Variants in SNX29 observed in about 807,000 individuals in gnomAD.
The protein encoded by SNX29 is sorting nexin-29.
SNX29 carries 78 observed loss-of-function variants against 102.1 expected under a neutral mutation model. The ratio of observed to expected loss-of-function variants is 0.76; its 90% CI spans 0.64 to 0.92. SNX29 has a LOEUF of 0.92. SNX29 is among the 40% of genes least tolerant of loss of function. SNX29 has a pLI of 0.00. For synonymous variants in SNX29, 580 were observed against 414.5 expected, an observed-to-expected ratio of 1.40 and a Z score of -4.85; for missense variants, 1,280 against 1,061.7, an observed-to-expected ratio of 1.21 and a Z score of -2.86.
chr16:12,065,822 C>G (rs1036033341), intron 9 of SNX29, among the ~76,000 whole-genome samples: 15 of 152,308 alleles, frequency 9.8e-5, no homozygotes, highest in African/African-American at 3.4e-4. Flanking sequence ...AAAGTGGGTA[C>G]AGGCTCAGCT....
intron 15 of SNX29, among the ~76,000 whole-genome samples, chr16:12,296,516 G>A (rs533315472): frequency 5.3e-5 from 8 of 152,280 alleles, no homozygotes; most frequent in Admixed American, 1.3e-4. Context: ...AAAATCTTTC[G>A]GTGTTGTGGG....
At chr16:12,408,170 A>C (rs2084249299) in intron 18 of SNX29, among the ~76,000 whole-genome samples, 1 of 149,916 alleles carries the variant, frequency 6.7e-6, no homozygotes, top group South Asian at 2.1e-4. Context: ...AAAAACAAAC[A>C]AACAAACAAA....
At chr16:12,497,851 T>C (rs1249863212) in intron 19 of SNX29, among the ~76,000 whole-genome samples, 1 of 152,016 alleles carries the variant, frequency 6.6e-6, no homozygotes, top group African/African-American at 2.4e-5. Context: ...CTAGCTTGAG[T>C]CTCCTGCCTG....
At chr16:12,197,672 T>G (rs1181277568) in intron 13 of SNX29, among the ~76,000 whole-genome samples, 1 of 152,224 alleles carries the variant, frequency 6.6e-6, no homozygotes, top group Admixed American at 6.5e-5. Context: ...TGTCAAACAT[T>G]TGTGATTCAT....
At chr16:12,539,630 A>G (rs528019436) in intron 20 of SNX29, among the ~76,000 whole-genome samples, 1 of 152,240 alleles carries the variant, frequency 6.6e-6, no homozygotes, top group African/African-American at 2.4e-5. Flanking sequence ...ATCCTATGCT[A>G]AATGTAAGAA....
intron 15 of SNX29, among the ~76,000 whole-genome samples, chr16:12,282,581 C>A (rs984122526): frequency 1.5e-4 from 23 of 152,162 alleles, no homozygotes; most frequent in African/African-American, 4.8e-4. Flanking sequence ...TTGTGTAATG[C>A]GTAAAGAATG....
intron 10 of SNX29, among the ~76,000 whole-genome samples, chr16:12,075,952 G>T (rs1319546740): frequency 6.6e-6 from 1 of 152,248 alleles, no homozygotes; most frequent in Non-Finnish European, 1.5e-5. Context: ...GACTCCATGG[G>T]TGTAGGACCC....
intron 1 of SNX29, among the ~76,000 whole-genome samples, chr16:11,990,616 T>C (rs977299219): frequency 1.3e-5 from 2 of 152,172 alleles, no homozygotes; most frequent in African/African-American, 2.4e-5. Flanking sequence ...AAAGTCATCA[T>C]TGGGCTGGTA....
At chr16:12,484,457 G>C (rs752440427) in intron 19 of SNX29, among the ~76,000 whole-genome samples, 1 of 152,140 alleles carries the variant, frequency 6.6e-6, no homozygotes, top group Non-Finnish European at 1.5e-5. Context: ...ATCTGATTGT[G>C]TCAGCTGTAG....
At position 12,133,281 on chromosome 16, in the gene SNX29, GTTTTTT is replaced by G. The variant is rs57733463; in HGVS notation, c.1595+3545_1595+3550del. 4.9e-3 allele frequency among the ~76,000 whole-genome samples: 329 copies of G among 66,884 alleles called. 7 individuals are homozygous for G. The highest frequency in any genetic ancestry group is 0.019 in the African/African-American group (307 of 16,526). 43.9% of individuals were successfully genotyped at this position (66,884 alleles called of 152,430 possible). A position where few individuals can be genotyped will look rare whatever the true frequency, so the allele number is the denominator to read the frequency against. ...CTCTGTTTCTGTTTCCTTAGTGTGG[GTTTTTT>G]TTTTTTTTTTTTTTTTTTTTTAAGA... On this transcript the variant is annotated intron_variant, in intron 13 of 20. Coordinates refer to ENST00000566228, the MANE Select transcript of SNX29 (RefSeq NM_032167.5).
At chr16:12,568,445 G>A (rs2079105997) in intron 20 of SNX29, 61 bp from the exon 21 acceptor site, 2 of 1,594,770 alleles carry the variant, frequency 1.3e-6, no homozygotes, top group South Asian at 1.1e-5. Flanking sequence ...TCCCCTTCCT[G>A]GCCTGTGGTC....
intron 3 of SNX29, among the ~76,000 whole-genome samples, chr16:12,003,244 A>G (rs1042757939): frequency 4.6e-5 from 7 of 152,156 alleles, no homozygotes; most frequent in Admixed American, 4.6e-4. Flanking sequence ...CTCATCTCCA[A>G]CACTCCACAT....
Position 12,572,547 on chromosome 16 carries a change from A to C in SNX29, c.*3918A>C. The C allele has an allele frequency of 1.9e-6, 2 of 1,063,570 alleles. No individual in the cohort carries two copies. Among genetic ancestry groups the C allele is most frequent in the Non-Finnish European group, 2.3e-6 (2 of 878,164 alleles). The allele number at this position is 1,063,570 out of a possible 1,614,324, so 65.9% of individuals were successfully genotyped here. On this transcript the variant is annotated 3_prime_UTR_variant, in exon 21 of 21. Transcript: ENST00000566228. ...AGCCCCCACAGGGGGCTGCGACACC[A>C]TCTGGCTCCTCACAGGGAGGTCCAG...
At chr16:12,227,274 G>A (rs556407217) in intron 14 of SNX29, among the ~76,000 whole-genome samples, 2 of 152,150 alleles carry the variant, frequency 1.3e-5, no homozygotes, top group African/African-American at 2.4e-5. Context: ...CCTGTTTAGC[G>A]CATTTCTCAC....
chr16:12,532,001 C>A (rs181439730), intron 20 of SNX29, among the ~76,000 whole-genome samples: 1 of 152,084 alleles, frequency 6.6e-6, no homozygotes, highest in Non-Finnish European at 1.5e-5. Context: ...GAATCCACAG[C>A]GACAGAGGAG....
At chr16:12,120,712 G>A (rs548299140) in intron 11 of SNX29, among the ~76,000 whole-genome samples, 1 of 152,202 alleles carries the variant, frequency 6.6e-6, no homozygotes, top group South Asian at 2.1e-4. Flanking sequence ...GCTGGTCCCT[G>A]CTCCACTGTT....
chr16:12,543,227 G>A (rs530758448), intron 20 of SNX29, among the ~76,000 whole-genome samples: 140 of 152,282 alleles, frequency 9.2e-4, no homozygotes, highest in African/African-American at 1.6e-3. Flanking sequence ...TAGCTGTAGC[G>A]GAAATTCTAG....
At chr16:12,460,510 A>C (rs540289404) in intron 18 of SNX29, among the ~76,000 whole-genome samples, 1 of 152,050 alleles carries the variant, frequency 6.6e-6, no homozygotes, top group Admixed American at 6.6e-5. Context: ...TTCATCCTTC[A>C]AGGCTTTGCT....
At chr16:12,334,406 C>G (rs1282457974) in intron 15 of SNX29, among the ~76,000 whole-genome samples, 2 of 152,136 alleles carry the variant, frequency 1.3e-5, no homozygotes, top group East Asian at 3.9e-4. Context: ...AAAAAATCAT[C>G]CCCGGGTGCA....
Sources: allele counts gnomAD v4.1 joint callset (sites outside exome capture counted in the v4.1 genomes callset), GRCh38; gene constraint gnomAD v4.1.1; transcripts MANE v1.5; gene names NCBI Gene and HGNC (gene_info 2026-07-23, HGNC 2026-07-21).